The following IL16 variants were observed in gnomAD, a reference collection of about 807,000 sequenced individuals.
The protein encoded by IL16 is interleukin 16.
Under a neutral mutation model 110.1 loss-of-function variants are expected in IL16, and 67 were observed. That is an observed-to-expected ratio of 0.61 (90% CI 0.50 to 0.75). The LOEUF is 0.75. Ranked by LOEUF, IL16 falls within the 30% of genes least tolerant of loss-of-function variation. The pLI, the probability that IL16 is intolerant of heterozygous loss-of-function variation, is 0.00. For synonymous variants in IL16, 689 were observed against 662.9 expected (o/e 1.04, Z -0.61); for missense variants, 1,545 against 1,655.0 (o/e 0.93, Z 1.15).
intron 1 of IL16, among the ~76,000 whole-genome samples, chr15:81,206,889 T>TGATGATGAC (rs1566994598): frequency 6.6e-6 from 1 of 151,912 alleles, no homozygotes; most frequent in Non-Finnish European, 1.5e-5. Context: ...ATGATGATGA[T>TGATGATGAC]GATGACGATG....
chr15:81,203,086 C>T (rs1448092752), intron 1 of IL16, among the ~76,000 whole-genome samples: 1 of 152,042 alleles, frequency 6.6e-6, no homozygotes, highest in African/African-American at 2.4e-5. Flanking sequence ...TGATGATGAG[C>T]ACTTTTTCAT....
At chr15:81,194,756 T>C (rs958077049), upstream of IL16, among the ~76,000 whole-genome samples, 1 of 152,194 alleles carries the variant, frequency 6.6e-6, no homozygotes, top group Non-Finnish European at 1.5e-5. Flanking sequence ...GCATGCTTCC[T>C]CCTCTATTGC....
At position 81,303,283 on chromosome 15, in the gene IL16, C is replaced by T. The variant is rs556180185; in HGVS notation, c.3319-266C>T. The T allele has an allele frequency of 1.5e-5, 6 of 390,030 alleles. No individual in the cohort carries two copies. The highest frequency in any genetic ancestry group is 1.2e-4 in the African/African-American group (6 of 48,706). The allele number at this position is 390,030 out of a possible 1,614,324, so 24.2% of individuals were successfully genotyped here. A position where few individuals can be genotyped will look rare whatever the true frequency, so the allele number is the denominator to read the frequency against. On this transcript the variant is annotated intron_variant, in intron 15 of 18. Transcript: ENST00000683961. The surrounding 1 kb of genome is among the most constrained non-coding windows in gnomAD (Gnocchi z 4.1). ...TTCTGGCTGACTTCATGGCACTCCC[C>T]CTGCCCGGCTGTGGACAGGGTGAAT...
intron 2 of IL16, among the ~76,000 whole-genome samples, chr15:81,237,380 T>C (rs1305241810): frequency 6.6e-6 from 1 of 152,166 alleles, no homozygotes; most frequent in Non-Finnish European, 1.5e-5. Context: ...TTTAGAAGAA[T>C]GTCTGAAAAA....
intron 1 of IL16, among the ~76,000 whole-genome samples, chr15:81,199,298 A>T (rs1486889876): frequency 6.6e-6 from 1 of 152,116 alleles, no homozygotes; most frequent in Non-Finnish European, 1.5e-5. Context: ...CTGTTGAAAT[A>T]AGGACGAATC....
chr15:81,223,301 A>T (rs1896681297), intron 1 of IL16, among the ~76,000 whole-genome samples: 1 of 152,198 alleles, frequency 6.6e-6, no homozygotes, highest in Non-Finnish European at 1.5e-5. Flanking sequence ...TCTCAAGAAG[A>T]CATGAAGGGG....
At chr15:81,205,922 CT>C (rs139024928) in intron 1 of IL16, among the ~76,000 whole-genome samples, 7,759 of 152,156 alleles carry the variant, frequency 0.051, 347 homozygotes, top group East Asian at 0.16. Context: ...TCAAGAATTA[CT>C]TTTTTACAAA....
At chr15:81,215,329 C>G (rs900658713) in intron 1 of IL16, among the ~76,000 whole-genome samples, 1 of 152,180 alleles carries the variant, frequency 6.6e-6, no homozygotes, top group East Asian at 1.9e-4. Context: ...GAGCTCTGCA[C>G]AGGATCTTTA....
intron 1 of IL16, among the ~76,000 whole-genome samples, chr15:81,188,099 C>A (rs1362385280): frequency 6.6e-6 from 1 of 152,146 alleles, no homozygotes; most frequent in African/African-American, 2.4e-5. Flanking sequence ...GTGATGGGTG[C>A]CAAGCTGTTC....
intron 1 of IL16, among the ~76,000 whole-genome samples, chr15:81,219,100 A>G (rs1296591344): frequency 6.6e-6 from 1 of 152,238 alleles, no homozygotes; most frequent in Non-Finnish European, 1.5e-5. Flanking sequence ...TGGCATACAG[A>G]GCAAGGTCAA....
chr15:81,207,453 G>T (rs1896072194), intron 1 of IL16, among the ~76,000 whole-genome samples: 1 of 151,818 alleles, frequency 6.6e-6, no homozygotes, highest in Non-Finnish European at 1.5e-5. Flanking sequence ...TGTTACATGG[G>T]TATATTACAA....
chr15:81,231,324 G>GTGTC (rs1896966854), intron 2 of IL16, among the ~76,000 whole-genome samples: 1 of 47,126 alleles, frequency 2.1e-5, no homozygotes, highest in Non-Finnish European at 4.2e-5. Context: ...AGGTCGGTCT[G>GTGTC]TCTCTCTCTC....
chr15:81,290,298 G>A lies in IL16; in HGVS notation c.1333-155G>A, dbSNP rs191671808. Among the ~76,000 whole-genome samples, 38 of 152,300 alleles carry A rather than the reference G, an allele frequency of 2.5e-4. No individual in the cohort carries two copies. The Middle Eastern group carries it at 0.014, about 55-fold the overall frequency. On this transcript the variant is annotated intron_variant, in intron 10 of 18. Transcript: ENST00000683961. The stretch of plus-strand genomic sequence containing the variant: ...TACTGAGGAACCATTGATTCCCGGG[G>A]TATTTCTGGAAATGGAATTCATCAG...
intron 2 of IL16, among the ~76,000 whole-genome samples, chr15:81,241,499 T>G (rs562283139): frequency 3.9e-5 from 6 of 152,270 alleles, no homozygotes; most frequent in Non-Finnish European, 8.8e-5. Context: ...GGCTTACATA[T>G]CTTTCATTAG....
At chr15:81,286,517 G>T (rs545193300) in intron 10 of IL16, among the ~76,000 whole-genome samples, 1 of 152,298 alleles carries the variant, frequency 6.6e-6, no homozygotes, top group Admixed American at 6.5e-5. Context: ...GGGCATTGGG[G>T]TTACACTGCA....
chr15:81,234,455 G>A (rs995815185), intron 2 of IL16, among the ~76,000 whole-genome samples: 9 of 151,746 alleles, frequency 5.9e-5, no homozygotes, highest in Admixed American at 6.6e-5. Context: ...ACAACATACA[G>A]TCTTAATATA....
At chr15:81,257,553 G>A (rs1280365417) in intron 2 of IL16, among the ~76,000 whole-genome samples, 3 of 152,108 alleles carry the variant, frequency 2.0e-5, no homozygotes, top group African/African-American at 4.8e-5. Flanking sequence ...CACATAAGAG[G>A]GAAAAGCCAA....
chr15:81,292,323 C>T (rs1044095428), intron 11 of IL16: 25 of 600,200 alleles, frequency 4.2e-5, no homozygotes, highest in Non-Finnish European at 6.6e-5. Flanking sequence ...TGGCATATCT[C>T]CATATACATC....
chr15:81,292,616 A>C lies in IL16; in HGVS notation c.1481A>C (p.Lys494Thr). 2 of 1,608,772 alleles carry C rather than the reference A, an allele frequency of 1.2e-6. No individual in the cohort carries two copies. The highest frequency in any genetic ancestry group is 1.7e-6 in the Non-Finnish European group (2 of 1,175,632). The change falls in exon 12 of 19, where the codon AAG (lysine) becomes ACG (threonine). Residue 494 changes from lysine to threonine, a missense_variant. By Grantham distance (78) the Lys-to-Thr change is moderately conservative. Coordinates refer to ENST00000683961, the MANE Select transcript of IL16 (RefSeq NM_172217.5). ...CCCACCTTGGAGAAGGAACGAGAGA[A>C]GAACTCAGCACCCCCGCATCGCAGG... The part of the protein sequence containing the change: ...GRPTLEKERE[K>T]NSAPPHRRAQ...
Sources: gnomAD v4.1 joint callset for allele counts (sites outside exome capture counted in the v4.1 genomes callset) on GRCh38, gnomAD v4.1.1 for gene constraint, Gnocchi (gnomAD v3.1) non-coding constraint, MANE v1.5 for transcripts, NCBI Gene and HGNC (gene_info 2026-07-23, HGNC 2026-07-21) for gene names.